The following ADAMTS5 variants were observed in gnomAD, a reference collection of about 807,000 sequenced individuals.
ADAMTS5 encodes the protein ADAM metallopeptidase with thrombospondin type 1 motif 5.
In ADAMTS5, 54 loss-of-function variants were observed where a neutral mutation model predicts 81.4. The observed-to-expected ratio is 0.66, with a 90% CI of 0.53 to 0.83. The LOEUF is 0.83. ADAMTS5 is among the 40% of genes least tolerant of loss of function. ADAMTS5 has a pLI of 0.00. For missense variants in ADAMTS5, 1,194 were observed against 1,229.9 expected (o/e 0.97, Z 0.44); for synonymous variants, 532 against 508.8 (o/e 1.05, Z -0.61).
rs1986763502 is a variant in ADAMTS5 at position 26,924,319 on chromosome 21, A to C, written c.2527T>G (p.Leu843Val). Residue 843 changes from leucine (L) to valine (V), a missense_variant, in exon 8 of 8, where the codon TTA becomes GTA. Coordinates refer to ENST00000284987, the MANE Select transcript of ADAMTS5 (RefSeq NM_007038.5). ...ACAAAAAAGCTATAACGGACATCTA[A>C]TGGTTTAGTGGGGTCTGTTGCAAGA... is the stretch of plus-strand genomic sequence containing the variant. ...QILATDPTKP[L>V]DVRYSFFVPK... 2 of 1,614,192 alleles carry C rather than the reference A, an allele frequency of 1.2e-6. No individual in the cohort carries two copies. The highest frequency in any genetic ancestry group is 1.7e-6 in the Non-Finnish European group (2 of 1,180,036).
In ADAMTS5 at chr21:26,954,904, C is replaced by T. The variant is rs376615329; in HGVS notation, c.1105-33G>A. The T allele has an allele frequency of 1.2e-5, 19 of 1,610,714 alleles. No individual in the cohort carries two copies. In the African/African-American group the frequency reaches 1.3e-4, roughly 11 times the overall value. On this transcript the variant is annotated intron_variant, in intron 1 of 7. Transcript: ENST00000284987. ...GGAGAAAGAAAGAAATCATTAAAAT[C>T]AATTTACATCCAGAAGGAGCCGCCA...
intron 1 of ADAMTS5, among the ~76,000 whole-genome samples, chr21:26,964,483 G>C (rs1987597077): frequency 6.6e-6 from 1 of 152,216 alleles, no homozygotes; most frequent in African/African-American, 2.4e-5. Flanking sequence ...CAGATCTTCT[G>C]CACTGGGGCT....
At chr21:26,930,745 A>G (rs186871756) in intron 6 of ADAMTS5, among the ~76,000 whole-genome samples, 74 of 152,288 alleles carry the variant, frequency 4.9e-4, no homozygotes, top group Admixed American at 9.1e-4. Flanking sequence ...ATATATATAC[A>G]CTCATATATA....
chr21:26,935,786 A>C (rs1987003380), intron 3 of ADAMTS5, among the ~76,000 whole-genome samples: 1 of 152,138 alleles, frequency 6.6e-6, no homozygotes, highest in Non-Finnish European at 1.5e-5. Flanking sequence ...TAACATCATT[A>C]ATTTTCTTTT....
rs1315000476 is a variant in ADAMTS5 at position 26,965,808 on chromosome 21, CG to C, written c.583del (p.Arg195AlafsTer98). The C allele has an allele frequency of 6.2e-7, 1 of 1,607,442 alleles. No homozygotes were observed. The highest frequency in any genetic ancestry group is 1.3e-5 in the African/African-American group (1 of 74,832). On this transcript the variant is annotated frameshift_variant, in exon 1 of 8. Transcript: ENST00000284987. LOFTEE classifies it high-confidence loss of function. ...GSARILHVYTREGFSFEALPP... is the reference protein window; with the variant it reads ...GSARILHVYTXEGFSFEALPP... The stretch of plus-strand genomic sequence containing the variant: ...CAGGGCCTCGAAGCTGAAGCCCTCG[CG>C]GGTGTAGACGTGCAGGATCCGTGCG...
Position 26,966,104 on chromosome 21 carries a change from C to A in ADAMTS5, c.288G>T (p.Arg96=). ...CTCGCTCCAGGTCCAAGAGGAACCT[C>A]CGGCCGCCCGCGTAGACGAGGTAGC... The part of the protein sequence containing the change: ...KVGYLVYAGG[R]RFLLDLERDG... The change falls in exon 1 of 8, where the codon CGG becomes CGT. Residue 96 remains arginine, a synonymous_variant. Coordinates refer to ENST00000284987, the MANE Select transcript of ADAMTS5 (RefSeq NM_007038.5). 1 of 1,612,902 alleles carries A rather than the reference C, an allele frequency of 6.2e-7. No individual in the cohort carries two copies. Among genetic ancestry groups the A allele is most frequent in the Non-Finnish European group, 8.5e-7 (1 of 1,179,896 alleles).
rs183579037 is a variant in ADAMTS5 at position 26,931,750 on chromosome 21, G to C, written c.2049+254C>G. 3.9e-5 allele frequency among the ~76,000 whole-genome samples: 6 copies of C among 152,316 alleles called. No individual in the cohort carries two copies. In the East Asian group the frequency reaches 9.6e-4, roughly 24 times the overall value. On this transcript the variant is annotated intron_variant, in intron 6 of 7. Coordinates refer to ENST00000284987, the MANE Select transcript of ADAMTS5 (RefSeq NM_007038.5). ...CACACTTTGCCTTCCTTGACAGTGA[G>C]TTACACCTTTTACAGTGAGTTACAC...
chr21:26,953,238 C>A (rs957319054), intron 2 of ADAMTS5, among the ~76,000 whole-genome samples: 1 of 152,144 alleles, frequency 6.6e-6, no homozygotes, highest in Non-Finnish European at 1.5e-5. Context: ...AAACAGAGAA[C>A]CCAGAGACAG....
At chr21:26,942,223 A>T (rs438349) in intron 3 of ADAMTS5, among the ~76,000 whole-genome samples, 74,394 of 151,852 alleles carry the variant, frequency 0.49, 19,895 homozygotes, top group Non-Finnish European at 0.61. Flanking sequence ...AATTTCTTTA[A>T]GTCTGAAATA....
At chr21:26,959,268 A>G (rs567502986) in intron 1 of ADAMTS5, among the ~76,000 whole-genome samples, 1 of 152,228 alleles carries the variant, frequency 6.6e-6, no homozygotes, top group Admixed American at 6.5e-5. Context: ...AATCATTTAC[A>G]TGCTTTGAGA....
Position 26,965,341 on chromosome 21 carries a change from G to A in ADAMTS5, c.1051C>T (p.Leu351=), listed in dbSNP as rs1263079854. 1.2e-6 allele frequency: 2 copies of A among 1,614,248 alleles called. No individual in the cohort carries two copies. The highest frequency in any genetic ancestry group is 2.2e-5 in the South Asian group (2 of 91,092). The change falls in exon 1 of 8, where the codon CTG becomes TTG. Residue 351 remains leucine, a synonymous_variant. Coordinates refer to ENST00000284987, the MANE Select transcript of ADAMTS5 (RefSeq NM_007038.5). ...FCKWQHQHNQ[L]GDDHEEHYDA... ...TAGTGCTCCTCATGGTCATCTCCCA[G>A]CTGGTTGTGTTGGTGCTGCCACTTG...
intron 7 of ADAMTS5, among the ~76,000 whole-genome samples, chr21:26,927,083 CACTA>C (rs1053116257): frequency 1.3e-5 from 2 of 152,128 alleles, no homozygotes; most frequent in African/African-American, 2.4e-5. Context: ...AAACTCCAGA[CACTA>C]ACCAGCTTTC....
intron 1 of ADAMTS5, among the ~76,000 whole-genome samples, chr21:26,957,698 GT>G (rs1210054797): frequency 3.3e-5 from 5 of 152,158 alleles, no homozygotes; most frequent in Admixed American, 3.3e-4. Flanking sequence ...GGAAGATTTA[GT>G]AAAATATGAA....
At chr21:26,927,059 G>C (rs768209767) in intron 7 of ADAMTS5, among the ~76,000 whole-genome samples, 3 of 151,990 alleles carry the variant, frequency 2.0e-5, no homozygotes, top group Non-Finnish European at 4.4e-5. Flanking sequence ...TTTACATCCT[G>C]CTTGGTATCA....
intron 2 of ADAMTS5, among the ~76,000 whole-genome samples, chr21:26,949,722 G>A (rs1179566897): frequency 2.0e-5 from 3 of 152,124 alleles, no homozygotes; most frequent in African/African-American, 7.2e-5. Context: ...TCAACATATA[G>A]CAAAAACTTA....
chr21:26,954,866 T>A lies in ADAMTS5; in HGVS notation c.1110A>T (p.Leu370Phe). ...GGGTGTCACATGAATGATGCCCACA[T>A]AAATCCTGCCCAGGAGAAAGAAAGA... ...DAAILFTREDLCGHHSCDTLG... is the reference protein window; with the variant it reads ...DAAILFTREDFCGHHSCDTLG... The change falls in exon 2 of 8, where the codon TTA becomes TTT. Residue 370 changes from leucine (L) to phenylalanine (F), a missense_variant. Around this residue, in one of 2 missense-constraint regions of ADAMTS5, gnomAD observed 696 missense variants for 817.6 expected, o/e 0.85. Coordinates refer to ENST00000284987, the MANE Select transcript of ADAMTS5 (RefSeq NM_007038.5). The A allele has an allele frequency of 6.2e-7, 1 of 1,613,916 alleles. No individual in the cohort carries two copies. Among genetic ancestry groups the A allele is most frequent in the East Asian group, 2.2e-5 (1 of 44,852 alleles).
intron 2 of ADAMTS5, among the ~76,000 whole-genome samples, chr21:26,946,253 G>A (rs1987213518): frequency 6.6e-6 from 1 of 152,186 alleles, no homozygotes; most frequent in Non-Finnish European, 1.5e-5. Context: ...ACAGCAAAAG[G>A]AGTGGTATTT....
rs1986622667 is a variant in ADAMTS5 at position 26,918,431 on chromosome 21, C to T, written c.*5622G>A. The T allele has an allele frequency of 6.6e-6, 1 of 152,090 alleles. No homozygotes were observed. Among genetic ancestry groups the T allele is most frequent in the Non-Finnish European group, 1.5e-5 (1 of 67,902 alleles). The allele number at this position is 152,090 out of a possible 1,614,324, so 9.4% of individuals were successfully genotyped here. On this transcript the variant is annotated 3_prime_UTR_variant, in exon 8 of 8. Transcript: ENST00000284987. ...TAGAAACCAAATATTTATGCAATTG[C>T]TTCTATCAAATGCAACATATTTCTT... is the stretch of plus-strand genomic sequence containing the variant.
chr21:26,960,937 C>T (rs1435369242), intron 1 of ADAMTS5, among the ~76,000 whole-genome samples: 1 of 152,200 alleles, frequency 6.6e-6, no homozygotes, highest in African/African-American at 2.4e-5. Flanking sequence ...TTCTAATGCA[C>T]TTCCATAATA....
Sources: gnomAD v4.1 joint callset for allele counts (sites outside exome capture counted in the v4.1 genomes callset) on GRCh38, gnomAD v4.1.1 for gene constraint, gnomAD v4.1.1 regional missense constraint, MANE v1.5 for transcripts, NCBI Gene and HGNC (gene_info 2026-07-23, HGNC 2026-07-21) for gene names.